Variants in FOXK1 observed in about 807,000 individuals in gnomAD.
FOXK1 encodes the protein forkhead box protein K1.
A neutral mutation model predicts 51.9 loss-of-function variants in FOXK1; 19 were observed. That is an observed-to-expected ratio of 0.37 (90% CI 0.26 to 0.54). The LOEUF is 0.54. Among genes scored for constraint, FOXK1 ranks in the 20% least tolerant of loss-of-function variants. FOXK1 has a pLI of 0.87. For synonymous variants in FOXK1, 537 were observed against 482.6 expected (o/e 1.11, Z -1.48); for missense variants, 870 against 1,032.7 (o/e 0.84, Z 2.16).
Position 4,754,587 on chromosome 7 carries a change from C to G in FOXK1, c.875C>G (p.Ala292Gly). ...GCAAAGGCCGCGTCGGAGCAGCAGG[C>G]AGACACGTCTGGAGGAGACAGCCCC... ...FAAKAASEQQADTSGGDSPKD... is the reference protein window; with the variant it reads ...FAAKAASEQQGDTSGGDSPKD... The change falls in exon 3 of 9, where the codon GCA becomes GGA. Residue 292 changes from alanine (A) to glycine (G), a missense_variant. Transcript: ENST00000328914. 6.2e-7 allele frequency: 1 copy of G among 1,606,934 alleles called. No homozygotes were observed. Among genetic ancestry groups the G allele is most frequent in the Non-Finnish European group, 8.5e-7 (1 of 1,179,984 alleles).
At chr7:4,685,600 CTT>C (rs1217906248) in intron 1 of FOXK1, among the ~76,000 whole-genome samples, 1 of 147,894 alleles carries the variant, frequency 6.8e-6, no homozygotes, top group African/African-American at 2.5e-5. Context: ...CTGTCATAAA[CTT>C]TTTTGGTTAG....
Position 4,759,060 on chromosome 7 carries a change from A to G in FOXK1, c.1254A>G (p.Pro418=), listed in dbSNP as rs1370574644. 2 of 1,598,414 alleles carry G rather than the reference A, an allele frequency of 1.3e-6. No individual in the cohort carries two copies. The highest frequency in any genetic ancestry group is 1.7e-5 in the Admixed American group (1 of 58,762). The change falls in exon 6 of 9, where the codon CCA becomes CCG. Residue 418 remains proline (P), a synonymous_variant. Transcript: ENST00000328914. The stretch of plus-strand genomic sequence containing the variant: ...CTTGCCTGTCTTCCAGGAGCGCTCC[A>G]GCTTCGCCCACACACCCCGGGCTGA... ...PFGPLSSRSA[P]ASPTHPGLMS...
rs1780926374 is a variant in FOXK1 at position 4,761,134 on chromosome 7, C to A, written c.1767C>A (p.Ala589=). 1 of 1,612,842 alleles carries A rather than the reference C, an allele frequency of 6.2e-7. No homozygotes were observed. Among genetic ancestry groups the A allele is most frequent in the African/African-American group, 1.3e-5 (1 of 74,950 alleles). The change falls in exon 8 of 9, where the codon GCC becomes GCA. Residue 589 remains alanine (A), a synonymous_variant. Transcript: ENST00000328914. The surrounding 1 kb of genome is among the most constrained non-coding windows in gnomAD (Gnocchi z 6.2). ...CTGGTGGAGTCATCCAGACGGTGGC[C>A]AGCCAGATGGCCCCCGGGGTCCCCG... ...PAAGGVIQTV[A]SQMAPGVPGH...
At position 4,682,435 on chromosome 7, in the gene FOXK1, C is replaced by T. The variant is rs760812037; in HGVS notation, c.127C>T (p.Pro43Ser). ...CCCCGCGGCCGCACCCCCGCCGGCCCCCGCGCAGCCCCAGCCTCCGCCCGG... is the reference window on the plus strand; with the variant it reads ...CCCCGCGGCCGCACCCCCGCCGGCCTCCGCGCAGCCCCAGCCTCCGCCCGG... ...AFPAAAPPPA[P>S]AQPQPPPGPP... Residue 43 changes from proline to serine, a missense_variant, in exon 1 of 9, where the codon CCC (proline) becomes TCC (serine). This residue lies in a region of FOXK1 where 399 missense variants were observed against 475.6 expected (regional missense o/e 0.84). Transcript: ENST00000328914. This position sits in a 1 kb window ranked among gnomAD's most constrained non-coding sequence, Gnocchi z 7.6. 2.8e-4 allele frequency: 278 copies of T among 981,060 alleles called. 1 individual carries two copies. Among genetic ancestry groups the T allele is most frequent in the Middle Eastern group, 5.2e-4 (1 of 1,926 alleles). 60.8% of individuals were successfully genotyped at this position (981,060 alleles called of 1,614,324 possible).
In FOXK1 at chr7:4,722,076, A is replaced by G. The variant is rs6463012; in HGVS notation, c.561-18762A>G. Among the ~76,000 whole-genome samples the G allele has an allele frequency of 0.094, 14,270 of 152,144 alleles. 2,079 individuals carry two copies. The highest frequency in any genetic ancestry group is 0.31 in the African/African-American group (13,016 of 41,470). ...ACCCTCCACCCATCCCAGCAGCCTCATGCCTGTGGGTGGGACGTGCTAGAG... is the reference window on the plus strand; with the variant it reads ...ACCCTCCACCCATCCCAGCAGCCTCGTGCCTGTGGGTGGGACGTGCTAGAG... On this transcript the variant is annotated intron_variant, in intron 1 of 8. Coordinates refer to ENST00000328914, the MANE Select transcript of FOXK1 (RefSeq NM_001037165.2). This position sits in a 1 kb window ranked among gnomAD's most constrained non-coding sequence, Gnocchi z 5.1.
chr7:4,766,234 C>T lies in FOXK1; in HGVS notation c.*3770C>T, dbSNP rs917551874. 6.6e-6 allele frequency: 1 copy of T among 152,228 alleles called. No individual in the cohort carries two copies. The highest frequency in any genetic ancestry group is 2.1e-4 in the South Asian group (1 of 4,828). 9.4% of individuals were successfully genotyped at this position (152,228 alleles called of 1,614,324 possible). The stretch of plus-strand genomic sequence containing the variant: ...CCTCACCAGTCGGGCCGAGTGTGGC[C>T]TCATGGTTCTGCCGCGGCCCAGTCT... On this transcript the variant is annotated 3_prime_UTR_variant, in exon 9 of 9. Coordinates refer to ENST00000328914, the MANE Select transcript of FOXK1 (RefSeq NM_001037165.2). This position sits in a 1 kb window ranked among gnomAD's most constrained non-coding sequence, Gnocchi z 5.5.
chr7:4,750,914 G>A (rs1222907097), intron 2 of FOXK1, among the ~76,000 whole-genome samples: 1 of 151,938 alleles, frequency 6.6e-6, no homozygotes, highest in Non-Finnish European at 1.5e-5. Context: ...AAATCGGGCA[G>A]GCTGGTCTCG....
chr7:4,754,497 G>T lies in FOXK1; in HGVS notation c.785G>T (p.Gly262Val). The stretch of plus-strand genomic sequence containing the variant: ...TGCCCAGCCAGTCCACGCGGTGCCG[G>T]CTCCTCCAGTTACCGCTTTGTGCAG... ...NSCPASPRGAGSSSYRFVQNV... is the reference protein window; with the variant it reads ...NSCPASPRGAVSSSYRFVQNV... The change falls in exon 3 of 9, where the codon GGC becomes GTC. Residue 262 changes from glycine (G) to valine (V), a missense_variant. Coordinates refer to ENST00000328914, the MANE Select transcript of FOXK1 (RefSeq NM_001037165.2). The T allele has an allele frequency of 6.2e-7, 1 of 1,613,134 alleles. No individual in the cohort carries two copies.
chr7:4,728,491 C>G (rs570988366), intron 1 of FOXK1, among the ~76,000 whole-genome samples: 1 of 152,180 alleles, frequency 6.6e-6, no homozygotes, highest in African/African-American at 2.4e-5. Context: ...AACTCTTACT[C>G]GTGTGCACTA....
intron 1 of FOXK1, among the ~76,000 whole-genome samples, chr7:4,697,927 T>A (rs1779974358): frequency 6.6e-6 from 1 of 151,962 alleles, no homozygotes; most frequent in Non-Finnish European, 1.5e-5. Flanking sequence ...TGGGTTCAAG[T>A]GATTCTCTTG....
At chr7:4,700,430 G>C (rs1780007162) in intron 1 of FOXK1, among the ~76,000 whole-genome samples, 1 of 152,222 alleles carries the variant, frequency 6.6e-6, no homozygotes, top group African/African-American at 2.4e-5. Flanking sequence ...TTGACCCCGA[G>C]CTCCTGTTTG....
rs199938511 is a variant in FOXK1 at position 4,741,036 on chromosome 7, C to A, written c.746+13C>A. The A allele has an allele frequency of 2.0e-6, 3 of 1,492,828 alleles. No individual in the cohort carries two copies. The highest frequency in any genetic ancestry group is 2.7e-5 in the East Asian group (1 of 37,182). The allele number at this position is 1,492,828 out of a possible 1,614,324, so 92.5% of individuals were successfully genotyped here. The stretch of plus-strand genomic sequence containing the variant: ...CGGGCACCATCAGGTGAGTAGCCCC[C>A]CAGCCTGCCCTTGGGCCCCCAGGAG... On this transcript the variant is annotated intron_variant, in intron 2 of 8. Coordinates refer to ENST00000328914, the MANE Select transcript of FOXK1 (RefSeq NM_001037165.2).
rs565193797 is a variant in FOXK1, at chr7:4,682,797, C to T, written c.489C>T (p.Leu163=). ...AGCCGCACTTCTACCTGCGCTGCCT[C>T]GGCAAGAACGGCGTCTTCGTGGACG... ...FQEPHFYLRC[L]GKNGVFVDGA... The change falls in exon 1 of 9, where the codon CTC becomes CTT. Residue 163 remains leucine (L), a synonymous_variant. Coordinates refer to ENST00000328914, the MANE Select transcript of FOXK1 (RefSeq NM_001037165.2). The surrounding 1 kb of genome is among the most constrained non-coding windows in gnomAD (Gnocchi z 7.6). The T allele has an allele frequency of 4.8e-5, 77 of 1,589,132 alleles. 1 individual carries two copies. In the South Asian group the frequency reaches 7.9e-4, roughly 16 times the overall value.
At position 4,753,298 on chromosome 7, in the gene FOXK1, C is replaced by T. The variant is rs1482231182; in HGVS notation, c.747-1161C>T. ...TGCACCCAAGGGGGCTCCTACTTAA[C>T]CTAAGTTTTGGAGATCTAGGAGTCT... On this transcript the variant is annotated intron_variant, in intron 2 of 8. Transcript: ENST00000328914. This position sits in a 1 kb window ranked among gnomAD's most constrained non-coding sequence, Gnocchi z 4.9. 1.3e-5 allele frequency among the ~76,000 whole-genome samples: 2 copies of T among 152,120 alleles called. No homozygotes were observed. The highest frequency in any genetic ancestry group is 6.5e-5 in the Admixed American group (1 of 15,268).
chr7:4,688,515 C>A (rs1779849470), intron 1 of FOXK1, among the ~76,000 whole-genome samples: 1 of 152,076 alleles, frequency 6.6e-6, no homozygotes, highest in Admixed American at 6.6e-5. Context: ...CCTGCCTCAG[C>A]CTCCCAAGTA....
Position 4,729,836 on chromosome 7 carries a change from A to G in FOXK1, c.561-11002A>G, listed in dbSNP as rs1253500829. Among the ~76,000 whole-genome samples the G allele has an allele frequency of 6.6e-6, 1 of 152,102 alleles. No homozygotes were observed. The highest frequency in any genetic ancestry group is 6.5e-5 in the Admixed American group (1 of 15,274). On this transcript the variant is annotated intron_variant, in intron 1 of 8. Coordinates refer to ENST00000328914, the MANE Select transcript of FOXK1 (RefSeq NM_001037165.2). This position sits in a 1 kb window ranked among gnomAD's most constrained non-coding sequence, Gnocchi z 6.2. ...GAAACCCCATCTCTACTAACAATAC[A>G]AAAACTAGCCAGGCCTGGTAGTGGG...
intron 1 of FOXK1, among the ~76,000 whole-genome samples, chr7:4,706,257 C>T (rs954586894): frequency 1.3e-5 from 2 of 151,960 alleles, no homozygotes; most frequent in Admixed American, 6.6e-5. Flanking sequence ...ATATTCACAA[C>T]GGCTGCTGAT....
rs528888687 is a variant in FOXK1, at chr7:4,756,278, C to G, written c.1051-716C>G. ...TACAGGTGCCCACCACCACACCTGG[C>G]TATTTTTTGTATTTTTAGTAGAGAT... On this transcript the variant is annotated intron_variant, in intron 4 of 8. Transcript: ENST00000328914. This position sits in a 1 kb window ranked among gnomAD's most constrained non-coding sequence, Gnocchi z 4.1. 5.9e-5 allele frequency among the ~76,000 whole-genome samples: 9 copies of G among 152,178 alleles called. No homozygotes were observed. Among genetic ancestry groups the G allele is most frequent in the African/African-American group, 1.9e-4 (8 of 41,552 alleles).
At chr7:4,686,128 G>C (rs1163240370) in intron 1 of FOXK1, among the ~76,000 whole-genome samples, 1 of 152,126 alleles carries the variant, frequency 6.6e-6, no homozygotes, top group Non-Finnish European at 1.5e-5. Context: ...TCCGGCTTTG[G>C]TACCTGGTAT....
Sources: allele counts gnomAD v4.1 joint callset (sites outside exome capture counted in the v4.1 genomes callset), GRCh38; gene constraint gnomAD v4.1.1; regional missense constraint gnomAD v4.1.1; non-coding constraint Gnocchi (gnomAD v3.1); transcripts MANE v1.5; gene names NCBI Gene and HGNC (gene_info 2026-07-23, HGNC 2026-07-21).